Variants in DCDC1 observed in about 807,000 individuals in gnomAD.
DCDC1 encodes doublecortin domain-containing protein 1.
A neutral mutation model predicts 178.3 loss-of-function variants in DCDC1; 200 were observed. That is an observed-to-expected ratio of 1.12 (90% confidence interval 1.00 to 1.26). The LOEUF (loss-of-function observed/expected upper bound fraction) is 1.26, where lower values mean the gene tolerates loss of function less well. DCDC1 is among the 50% of genes most tolerant of loss of function. DCDC1 has a pLI of 0.00. For synonymous variants in DCDC1, 690 were observed against 604.8 expected (o/e 1.14, Z -2.07); for missense variants, 1,983 against 1,749.2 (o/e 1.13, Z -2.38).
chr11:30,897,012 A>C (rs1944278606), intron 34 of DCDC1, among the ~76,000 whole-genome samples: 1 of 152,216 alleles, frequency 6.6e-6, no homozygotes, highest in African/African-American at 2.4e-5. Flanking sequence ...GAGGAAGCTC[A>C]CAATCTTATA....
Position 31,084,123 on chromosome 11 carries a change from TGAATAA to T in DCDC1, c.2238-6204_2238-6199del, listed in dbSNP as rs564358698. ...AAATACACACGAGCACTTGCTATAT[TGAATAA>T]GAATAAGATTATTAACACCAAATGA... On this transcript the variant is annotated intron_variant, in intron 17 of 38. Coordinates refer to ENST00000684477, the MANE Select transcript of DCDC1 (RefSeq NM_001387274.1). Among the ~76,000 whole-genome samples, 176 of 152,254 alleles carry T rather than the reference TGAATAA, an allele frequency of 1.2e-3. 2 individuals are homozygous for T. The highest frequency in any genetic ancestry group is 3.5e-3 in the African/African-American group (147 of 41,562).
chr11:31,315,309 T>TTA (rs1949016480), intron 3 of DCDC1, among the ~76,000 whole-genome samples: 1 of 47,970 alleles, frequency 2.1e-5, no homozygotes, highest in South Asian at 7.8e-4. Flanking sequence ...GCATACCCTT[T>TTA]TTTTTTTTTT....
At chr11:31,059,444 C>T (rs1050935458) in intron 20 of DCDC1, among the ~76,000 whole-genome samples, 3 of 152,042 alleles carry the variant, frequency 2.0e-5, no homozygotes, top group Non-Finnish European at 4.4e-5. Context: ...TAATGCCACG[C>T]TTCCAAATAC....
chr11:31,305,685 AT>A lies in DCDC1; in HGVS notation c.683del (p.Asp228ValfsTer17). On this transcript the variant is annotated frameshift_variant, in exon 6 of 39. Coordinates refer to ENST00000684477, the MANE Select transcript of DCDC1 (RefSeq NM_001387274.1). LOFTEE classifies it high-confidence loss of function. Reference sequence around the variant, plus strand: ...CATAAACATCGGCTTCATGGGGTATATCTTCAGGTTCGAGGGCTTCCTTGCC... The same window carrying A: ...CATAAACATCGGCTTCATGGGGTATACTTCAGGTTCGAGGGCTTCCTTGCC... Reference protein sequence around the residue: ...ADGKEALEPEDIPHEADVYVS... With the variant: ...ADGKEALEPEXIPHEADVYVS... The A allele has an allele frequency of 6.2e-7, 1 of 1,613,920 alleles. No homozygotes were observed. Among genetic ancestry groups the A allele is most frequent in the Non-Finnish European group, 8.5e-7 (1 of 1,179,878 alleles).
intron 8 of DCDC1, among the ~76,000 whole-genome samples, chr11:31,250,285 T>C (rs1041906892): frequency 4.3e-5 from 6 of 138,094 alleles, no homozygotes; most frequent in Admixed American, 2.9e-4. Context: ...TTATATTACT[T>C]AGTATCCAAA....
At chr11:31,267,993 G>T (rs963761550) in intron 7 of DCDC1, among the ~76,000 whole-genome samples, 9 of 152,136 alleles carry the variant, frequency 5.9e-5, no homozygotes, top group African/African-American at 2.2e-4. Flanking sequence ...AGTACAAATT[G>T]CTCCTTAGCC....
chr11:31,185,696 C>G (rs1040178228), intron 9 of DCDC1, among the ~76,000 whole-genome samples: 2 of 152,142 alleles, frequency 1.3e-5, no homozygotes, highest in African/African-American at 4.8e-5. Flanking sequence ...AAGTTATATC[C>G]CACACCAAGT....
chr11:31,231,779 G>T (rs1342213708), intron 9 of DCDC1, among the ~76,000 whole-genome samples: 2 of 152,270 alleles, frequency 1.3e-5, no homozygotes, highest in African/African-American at 4.8e-5. Context: ...AAATAAGCTG[G>T]TTAAATTATT....
chr11:30,920,955 T>C lies in DCDC1; in HGVS notation c.3134-20A>G, dbSNP rs181796987. 4.9e-5 allele frequency: 79 copies of C among 1,597,690 alleles called. No homozygotes were observed. In the Middle Eastern group the frequency reaches 1.0e-3, roughly 21 times the overall value. On this transcript the variant is annotated intron_variant, in intron 24 of 38. Transcript: ENST00000684477. ...CAAGAGCTGAGCAGAAATTCACAAA[T>C]TGCAAAGACATATTACTTACAATTG...
At chr11:31,053,096 C>A (rs550332046) in intron 20 of DCDC1, among the ~76,000 whole-genome samples, 2 of 151,738 alleles carry the variant, frequency 1.3e-5, no homozygotes, top group East Asian at 1.9e-4. Context: ...GTAAGATTAA[C>A]GAAGAAAAGA....
At chr11:30,891,015 T>C (rs763948690) in intron 36 of DCDC1, among the ~76,000 whole-genome samples, 7 of 152,226 alleles carry the variant, frequency 4.6e-5, no homozygotes, top group Non-Finnish European at 8.8e-5. Flanking sequence ...TGCTTTGATA[T>C]GTACTTTCTT....
chr11:30,924,715 A>C (rs2134268102), intron 23 of DCDC1, among the ~76,000 whole-genome samples: 1 of 152,296 alleles, frequency 6.6e-6, no homozygotes, highest in Non-Finnish European at 1.5e-5. Flanking sequence ...ACAAAGGATT[A>C]ACAATTTGGC....
chr11:31,056,702 T>C (rs996147022), intron 20 of DCDC1, among the ~76,000 whole-genome samples: 1 of 152,012 alleles, frequency 6.6e-6, no homozygotes, highest in Admixed American at 6.6e-5. Context: ...AAAGGAGAAA[T>C]AGAAAAATCC....
intron 8 of DCDC1, among the ~76,000 whole-genome samples, chr11:31,246,817 C>T (rs530056814): frequency 1.3e-5 from 2 of 152,060 alleles, no homozygotes; most frequent in East Asian, 1.9e-4. Flanking sequence ...TGTTTACATG[C>T]TATATGTCAA....
At chr11:31,208,792 A>G (rs1972157750) in intron 9 of DCDC1, among the ~76,000 whole-genome samples, 1 of 152,142 alleles carries the variant, frequency 6.6e-6, no homozygotes, top group Non-Finnish European at 1.5e-5. Context: ...CTCTTCCCAC[A>G]ATAGGTTCAC....
At chr11:30,944,900 G>C (rs1299899812) in intron 21 of DCDC1, among the ~76,000 whole-genome samples, 1 of 145,288 alleles carries the variant, frequency 6.9e-6, no homozygotes, top group Non-Finnish European at 1.5e-5. Context: ...CTTTGAAGTA[G>C]TTTGTATTCA....
intron 38 of DCDC1, among the ~76,000 whole-genome samples, chr11:30,866,893 C>A (rs1281660045): frequency 6.6e-6 from 1 of 152,062 alleles, no homozygotes; most frequent in East Asian, 1.9e-4. Context: ...TGGATTAATG[C>A]TGCTATAAAA....
intron 36 of DCDC1, among the ~76,000 whole-genome samples, chr11:30,888,108 A>AAG (rs1207338938): frequency 1.8e-5 from 2 of 114,062 alleles, no homozygotes; most frequent in African/African-American, 7.1e-5. Flanking sequence ...AAAAGAAAGA[A>AAG]AGAAAGAAAG....
At chr11:31,322,596 A>G (rs1405628729) in intron 3 of DCDC1, among the ~76,000 whole-genome samples, 1 of 152,336 alleles carries the variant, frequency 6.6e-6, no homozygotes, top group East Asian at 1.9e-4. Context: ...AAAGAGATAC[A>G]AGTGATCAAA....
Sources: gnomAD v4.1 joint callset for allele counts (sites outside exome capture counted in the v4.1 genomes callset) on GRCh38, gnomAD v4.1.1 for gene constraint, MANE v1.5 for transcripts, NCBI Gene and HGNC (gene_info 2026-07-23, HGNC 2026-07-21) for gene names.